The following ZSCAN30 variants were observed in gnomAD, a reference collection of about 807,000 sequenced individuals.
ZSCAN30 encodes the protein zinc finger and SCAN domain containing 30, also known as zinc finger and SCAN domain-containing protein 30.
In ZSCAN30, 37 loss-of-function variants were observed where a neutral mutation model predicts 44.3. The ratio of observed to expected loss-of-function variants is 0.84; its 90% CI spans 0.64 to 1.10. The LOEUF (loss-of-function observed/expected upper bound fraction) is 1.10, where lower values mean the gene tolerates loss of function less well. ZSCAN30 is among the 50% of genes least tolerant of loss of function. ZSCAN30 has a pLI of 0.00. For synonymous variants in ZSCAN30, 181 were observed against 204.6 expected (o/e 0.88, Z 0.98); for missense variants, 549 against 582.6 (o/e 0.94, Z 0.59).
rs767441553 is a variant in ZSCAN30 at position 35,253,788 on chromosome 18, T to G, written c.1147A>C (p.Lys383Gln). 2 of 1,614,070 alleles carry G rather than the reference T, an allele frequency of 1.2e-6. No individual in the cohort carries two copies. The highest frequency in any genetic ancestry group is 2.7e-5 in the African/African-American group (2 of 74,924). ...IRHRRIHTGE[K>Q]PYECGECGKA... Reference sequence around the variant, plus strand: ...CCACATTCTCCACATTCATAAGGCTTCTCTCCAGTGTGGATTCTCCGATGC... The same window carrying G: ...CCACATTCTCCACATTCATAAGGCTGCTCTCCAGTGTGGATTCTCCGATGC... Residue 383 changes from lysine to glutamine, a missense_variant, in exon 4 of 4, where the codon AAG becomes CAG. Lys to Gln is a moderately conservative substitution (Grantham distance 53, BLOSUM62 1). Coordinates refer to ENST00000333206, the MANE Select transcript of ZSCAN30 (RefSeq NM_001112734.4).
intron 1 of ZSCAN30, chr18:35,285,206 T>A (rs193127027): frequency 1.7e-4 from 26 of 152,218 alleles, no homozygotes; most frequent in African/African-American, 6.0e-4. Context: ...GGAAAAGGAA[T>A]AACAATCCTA....
intron 1 of ZSCAN30, among the ~76,000 whole-genome samples, chr18:35,277,094 T>C (rs774262849): frequency 1.3e-5 from 2 of 152,216 alleles, no homozygotes; most frequent in African/African-American, 4.8e-5. Flanking sequence ...CAGACTTGCA[T>C]GGGGCCTGTA....
intron 3 of ZSCAN30, chr18:35,255,074 T>C (rs2043752524): frequency 6.6e-6 from 1 of 152,516 alleles, no homozygotes; most frequent in African/African-American, 2.4e-5. Context: ...AAGAATCTTA[T>C]AGTTTTACTT....
intron 1 of ZSCAN30, among the ~76,000 whole-genome samples, chr18:35,265,377 TATC>T (rs2044128054): frequency 6.6e-6 from 1 of 152,216 alleles, no homozygotes; most frequent in Non-Finnish European, 1.5e-5. Context: ...CATCAGGTAT[TATC>T]ATCTCAATTT....
intron 1 of ZSCAN30, chr18:35,268,419 GAA>G (rs1163937273): frequency 1.3e-5 from 2 of 152,208 alleles, no homozygotes; most frequent in Admixed American, 6.5e-5. Flanking sequence ...AAGTATGATT[GAA>G]AATAGGGCAA....
chr18:35,288,368 C>T (rs1269599222), intron 1 of ZSCAN30, among the ~76,000 whole-genome samples: 1 of 152,166 alleles, frequency 6.6e-6, no homozygotes, highest in African/African-American at 2.4e-5. Flanking sequence ...GGAACCGGAA[C>T]TCTCATGTAC....
In ZSCAN30 at chr18:35,254,235, T is replaced by C; in HGVS notation, c.700A>G (p.Asn234Asp). ...IAEEALGGLD[N>D]SKKQKGNAAG... ...GCATTTCCCTTTTGCTTCTTAGAGT[T>C]GTCCAGACCTCCCAAAGCTTCTTCA... The change falls in exon 4 of 4, where the codon AAC (asparagine) becomes GAC (aspartate). Residue 234 changes from asparagine to aspartate, a missense_variant. By Grantham distance (23) the Asn-to-Asp change is conservative (BLOSUM62 1). Coordinates refer to ENST00000333206, the MANE Select transcript of ZSCAN30 (RefSeq NM_001112734.4). 3 of 1,614,148 alleles carry C rather than the reference T, an allele frequency of 1.9e-6. No individual in the cohort carries two copies. The highest frequency in any genetic ancestry group is 2.5e-6 in the Non-Finnish European group (3 of 1,179,988).
At chr18:35,265,339 C>G (rs1193153586) in intron 1 of ZSCAN30, among the ~76,000 whole-genome samples, 1 of 152,118 alleles carries the variant, frequency 6.6e-6, no homozygotes, top group East Asian at 1.9e-4. Flanking sequence ...TTTACAAATA[C>G]TATTTTACTG....
intron 1 of ZSCAN30, chr18:35,282,732 A>G (rs1057417582): frequency 6.6e-6 from 1 of 152,202 alleles, no homozygotes; most frequent in Non-Finnish European, 1.5e-5. Flanking sequence ...AAACAGCCCC[A>G]GCTTCTGAAG....
chr18:35,259,699 C>A (rs908757081), intron 3 of ZSCAN30: 7 of 154,156 alleles, frequency 4.5e-5, no homozygotes, highest in African/African-American at 1.7e-4. Context: ...TTTGAAGGGA[C>A]ACAACTCATC....
intron 3 of ZSCAN30, chr18:35,263,295 A>G (rs1247412996): frequency 1.9e-6 from 1 of 533,582 alleles, no homozygotes; most frequent in East Asian, 3.0e-5. Flanking sequence ...TGGGTATTAG[A>G]GAATTTTACT....
intron 1 of ZSCAN30, among the ~76,000 whole-genome samples, chr18:35,273,285 G>A (rs2044316014): frequency 6.6e-6 from 1 of 152,142 alleles, no homozygotes; most frequent in African/African-American, 2.4e-5. Context: ...AAATAAGTGG[G>A]ATCGTACAAT....
intron 1 of ZSCAN30, chr18:35,267,459 T>G (rs986933816): frequency 1.3e-5 from 2 of 149,468 alleles, no homozygotes. Flanking sequence ...ACCGCCCTGC[T>G]GGACCGCCCC....
Position 35,253,362 on chromosome 18 carries a change from G to A in ZSCAN30, c.*88C>T. The A allele has an allele frequency of 9.2e-7, 1 of 1,091,478 alleles. No homozygotes were observed. The highest frequency in any genetic ancestry group is 1.3e-6 in the Non-Finnish European group (1 of 766,870). The allele number at this position is 1,091,478 out of a possible 1,614,324, so 67.6% of individuals were successfully genotyped here. Reference sequence around the variant, plus strand: ...ACTGGGAGGGAAGGACAGAAGTTCTGCTCTCAGGAAACTTTTCTTTTCTGT... The same window carrying A: ...ACTGGGAGGGAAGGACAGAAGTTCTACTCTCAGGAAACTTTTCTTTTCTGT... On this transcript the variant is annotated 3_prime_UTR_variant, in exon 4 of 4. Coordinates refer to ENST00000333206, the MANE Select transcript of ZSCAN30 (RefSeq NM_001112734.4).
At chr18:35,258,002 G>A in intron 3 of ZSCAN30, 1 of 780,800 alleles carries the variant, frequency 1.3e-6, no homozygotes, top group Middle Eastern at 2.3e-4. Flanking sequence ...TTCTGGCAAG[G>A]CATATCATGA....
chr18:35,285,313 C>G (rs1303345488), intron 1 of ZSCAN30: 1 of 152,114 alleles, frequency 6.6e-6, no homozygotes, highest in Non-Finnish European at 1.5e-5. Context: ...ACAGAGAATT[C>G]AATACTCATC....
rs1271746917 is a variant in ZSCAN30, at chr18:35,263,540, G to C, written c.526C>G (p.Gln176Glu). 6.2e-7 allele frequency: 1 copy of C among 1,614,086 alleles called. No individual in the cohort carries two copies. The highest frequency in any genetic ancestry group is 8.5e-7 in the Non-Finnish European group (1 of 1,180,042). The change falls in exon 3 of 4, where the codon CAG becomes GAG. Residue 176 changes from glutamine to glutamate, a missense_variant. Coordinates refer to ENST00000333206, the MANE Select transcript of ZSCAN30 (RefSeq NM_001112734.4). ...PLENQCKTETQESQAFQERDG... is the reference protein window; with the variant it reads ...PLENQCKTETEESQAFQERDG... ...CTCTCCTGGAAAGCCTGGGACTCCT[G>C]AGTCTCAGTCTTGCACTGGTTCTCT...
At chr18:35,273,918 A>G (rs1348721067) in intron 1 of ZSCAN30, among the ~76,000 whole-genome samples, 1 of 152,192 alleles carries the variant, frequency 6.6e-6, no homozygotes, top group African/African-American at 2.4e-5. Context: ...TTCTACTTCT[A>G]TCGTCAATTG....
At chr18:35,255,379 A>G (rs2043768287) in intron 3 of ZSCAN30, among the ~76,000 whole-genome samples, 4 of 152,008 alleles carry the variant, frequency 2.6e-5, no homozygotes, top group Admixed American at 2.0e-4. Context: ...TGAAAAATAC[A>G]TCTTCCCAAA....
Sources: allele counts gnomAD v4.1 joint callset (sites outside exome capture counted in the v4.1 genomes callset), GRCh38; gene constraint gnomAD v4.1.1; transcripts MANE v1.5; gene names NCBI Gene and HGNC (gene_info 2026-07-23, HGNC 2026-07-21).